Variants in PRR5L observed in about 807,000 individuals in gnomAD.
PRR5L encodes proline-rich protein 5-like.
In PRR5L, 21 loss-of-function variants were observed where a neutral mutation model predicts 36.4. The ratio of observed to expected loss-of-function variants is 0.58; its 90% CI spans 0.41 to 0.83. The LOEUF is 0.83. Among genes scored for constraint, PRR5L ranks in the 40% least tolerant of loss-of-function variants. PRR5L has a pLI of 0.00. For missense variants in PRR5L, 381 were observed against 473.3 expected (o/e 0.80, Z 1.81); for synonymous variants, 188 against 197.0 (o/e 0.95, Z 0.38).
intron 1 of PRR5L, 48 bp downstream of exon 1, chr11:36,296,486 C>T (rs1168090634): frequency 6.6e-6 from 1 of 152,158 alleles, no homozygotes; most frequent in Non-Finnish European, 1.5e-5. Flanking sequence ...GGTGGGGTTG[C>T]AGGGGATGGC....
At position 36,462,523 on chromosome 11, in the gene PRR5L, C is replaced by A. The variant is rs767678951; in HGVS notation, c.894C>A (p.Asp298Glu). ...ACACGGTGGCCAATGCCCACTCGGA[C>A]ATCCAGCTGCTGGCCATGGCCACCA... ...RRHTVANAHS[D>E]IQLLAMATMM... Residue 298 changes from aspartate (D) to glutamate (E), a missense_variant, in exon 9 of 9, where the codon GAC (aspartate) becomes GAA (glutamate). By Grantham distance (45) the Asp-to-Glu change is conservative. Coordinates refer to ENST00000530639, the MANE Select transcript of PRR5L (RefSeq NM_001160167.2). 5.0e-6 allele frequency: 8 copies of A among 1,608,078 alleles called. No individual in the cohort carries two copies. The highest frequency in any genetic ancestry group is 5.9e-6 in the Non-Finnish European group (7 of 1,176,816).
Position 36,344,017 on chromosome 11 carries a change from G to A in PRR5L, c.-126+47579G>A, listed in dbSNP as rs1856842479. Reference sequence around the variant, plus strand: ...GGATCACCTGAAGTCAGGAGTTCGGGACCAGCCTGGCCAACATGGAGAAAT... The same window carrying A: ...GGATCACCTGAAGTCAGGAGTTCGGAACCAGCCTGGCCAACATGGAGAAAT... On this transcript the variant is annotated intron_variant, in intron 1 of 8. Transcript: ENST00000530639. This position sits in a 1 kb window ranked among gnomAD's most constrained non-coding sequence, Gnocchi z 4.1. Among the ~76,000 whole-genome samples the A allele has an allele frequency of 6.6e-6, 1 of 151,972 alleles. No individual in the cohort carries two copies. Among genetic ancestry groups the A allele is most frequent in the African/African-American group, 2.4e-5 (1 of 41,370 alleles).
intron 1 of PRR5L, among the ~76,000 whole-genome samples, chr11:36,341,703 T>C (rs1475552132): frequency 3.9e-5 from 6 of 152,196 alleles, no homozygotes; most frequent in African/African-American, 1.2e-4. Flanking sequence ...GTAAGGGTTA[T>C]ATCAGATAAT....
At chr11:36,363,022 G>A (rs145105547) in intron 1 of PRR5L, among the ~76,000 whole-genome samples, 2 of 152,306 alleles carry the variant, frequency 1.3e-5, no homozygotes, top group Non-Finnish European at 2.9e-5. Flanking sequence ...GTGCACCCAG[G>A]TTCACATGGC....
chr11:36,363,277 C>A lies in PRR5L; in HGVS notation c.-125-37720C>A, dbSNP rs1857111645. ...GGAGAAAAGTAAGCCCAATTCTTTG[C>A]TGTTAACTTACATTCATGACACAAG... On this transcript the variant is annotated intron_variant, in intron 1 of 8. Coordinates refer to ENST00000530639, the MANE Select transcript of PRR5L (RefSeq NM_001160167.2). 2.0e-5 allele frequency among the ~76,000 whole-genome samples: 3 copies of A among 152,342 alleles called. No individual in the cohort carries two copies. In the South Asian group the frequency reaches 6.2e-4, roughly 32 times the overall value.
chr11:36,399,039 G>A (rs2133554753), intron 1 of PRR5L, among the ~76,000 whole-genome samples: 1 of 152,356 alleles, frequency 6.6e-6, no homozygotes, highest in East Asian at 1.9e-4. Context: ...TTTACTGGGT[G>A]AGTTAAATCC....
chr11:36,441,797 C>T (rs558278523), intron 6 of PRR5L, among the ~76,000 whole-genome samples: 88 of 152,276 alleles, frequency 5.8e-4, no homozygotes, highest in Non-Finnish European at 1.1e-3. Context: ...GCTGCAAAGC[C>T]TCCTTCTCTT....
intron 8 of PRR5L, among the ~76,000 whole-genome samples, chr11:36,451,895 T>G (rs1325471426): frequency 1.3e-5 from 2 of 152,120 alleles, no homozygotes; most frequent in African/African-American, 2.4e-5. Context: ...GCTGTAAACC[T>G]AGCATCAGTG....
intron 1 of PRR5L, among the ~76,000 whole-genome samples, chr11:36,375,425 A>G (rs1002372541): frequency 6.6e-6 from 1 of 151,878 alleles, no homozygotes; most frequent in African/African-American, 2.4e-5. Flanking sequence ...TCTCATGCCC[A>G]CAACCACCGT....
At chr11:36,302,008 G>A (rs557425125) in intron 1 of PRR5L, among the ~76,000 whole-genome samples, 2 of 152,282 alleles carry the variant, frequency 1.3e-5, no homozygotes, top group East Asian at 3.9e-4. Context: ...AAGAGAATGT[G>A]CAAATATGGC....
chr11:36,299,637 GA>G (rs1856352155), intron 1 of PRR5L, among the ~76,000 whole-genome samples: 2 of 152,094 alleles, frequency 1.3e-5, no homozygotes, highest in Admixed American at 6.5e-5. Flanking sequence ...TTTTCATAAA[GA>G]ACCCTAGGAG....
At chr11:36,299,140 T>A (rs925759331) in intron 1 of PRR5L, among the ~76,000 whole-genome samples, 16 of 152,142 alleles carry the variant, frequency 1.1e-4, no homozygotes, top group African/African-American at 3.9e-4. Flanking sequence ...CAGAAGGACC[T>A]ACACATCCCA....
chr11:36,456,320 C>T (rs781158678), intron 8 of PRR5L, among the ~76,000 whole-genome samples: 38 of 152,216 alleles, frequency 2.5e-4, no homozygotes, highest in Admixed American at 2.5e-3. Context: ...TTGGCCTTGC[C>T]TTGCTGTATT....
intron 1 of PRR5L, among the ~76,000 whole-genome samples, chr11:36,325,703 G>A (rs1856655431): frequency 6.6e-6 from 1 of 152,178 alleles, no homozygotes; most frequent in African/African-American, 2.4e-5. Flanking sequence ...CACCTTCCCA[G>A]CTAGGCTTAG....
intron 1 of PRR5L, chr11:36,329,074 T>C (rs1344812545): frequency 6.6e-6 from 1 of 152,212 alleles, no homozygotes; most frequent in Admixed American, 6.5e-5. Flanking sequence ...AGATTAATGG[T>C]TGAAGCAGAC....
intron 3 of PRR5L, among the ~76,000 whole-genome samples, chr11:36,403,808 T>C (rs1857852660): frequency 6.6e-6 from 1 of 152,214 alleles, no homozygotes; most frequent in African/African-American, 2.4e-5. Context: ...GGCCAGGCAC[T>C]GGAGAGACAG....
chr11:36,378,443 C>T (rs1252817725), intron 1 of PRR5L, among the ~76,000 whole-genome samples: 2 of 152,132 alleles, frequency 1.3e-5, no homozygotes, highest in Non-Finnish European at 2.9e-5. Context: ...TCAGTTTTTC[C>T]AACTGCAACC....
intron 4 of PRR5L, among the ~76,000 whole-genome samples, chr11:36,420,828 T>C (rs905351921): frequency 8.0e-6 from 1 of 125,396 alleles, no homozygotes; most frequent in Non-Finnish European, 1.7e-5. Context: ...ACATGTCAGT[T>C]GTTTAAACAC....
chr11:36,358,776 GT>G (rs981166200), intron 1 of PRR5L, among the ~76,000 whole-genome samples: 1 of 152,134 alleles, frequency 6.6e-6, no homozygotes, highest in African/African-American at 2.4e-5. Context: ...TCTTCCCAAG[GT>G]GATAAATACA....
Sources: gnomAD v4.1 joint callset for allele counts (sites outside exome capture counted in the v4.1 genomes callset) on GRCh38, gnomAD v4.1.1 for gene constraint, Gnocchi (gnomAD v3.1) non-coding constraint, MANE v1.5 for transcripts, NCBI Gene and HGNC (gene_info 2026-07-23, HGNC 2026-07-21) for gene names.